APCDD1L: variants seen among roughly 807,000 people sequenced by gnomAD.
APCDD1L encodes the protein APC down-regulated 1 like.
APCDD1L carries 21 observed loss-of-function variants against 24.2 expected under a neutral mutation model. The observed-to-expected ratio is 0.87, with a 90% confidence interval of 0.61 to 1.25. APCDD1L has a LOEUF of 1.25. Among genes scored for constraint, APCDD1L ranks in the 50% most tolerant of loss-of-function variants. APCDD1L has a pLI of 0.00. For synonymous variants in APCDD1L, 321 were observed against 323.6 expected, an observed-to-expected ratio of 0.99 and a Z score of 0.09; for missense variants, 704 against 711.7, an observed-to-expected ratio of 0.99 and a Z score of 0.12.
At position 58,473,617 on chromosome 20, in the gene APCDD1L, C is replaced by T. The variant is rs117359163; in HGVS notation, c.50-2870G>A. On this transcript the variant is annotated intron_variant, in intron 1 of 3. Transcript: ENST00000371149. ...CTTTGCTTCCCCCCCCACCCCTTCT[C>T]TTCCTCCAAAAAAGTCTTAACTAAA... 5.8e-3 allele frequency among the ~76,000 whole-genome samples: 875 copies of T among 152,156 alleles called. 9 individuals carry two copies. Among genetic ancestry groups the T allele is most frequent in the East Asian group, 0.038 (196 of 5,178 alleles).
intron 1 of APCDD1L, among the ~76,000 whole-genome samples, chr20:58,482,775 G>A (rs1305571726): frequency 6.6e-6 from 1 of 152,178 alleles, no homozygotes; most frequent in Non-Finnish European, 1.5e-5. Context: ...AGAAGGGAAA[G>A]CCTGACAGTA....
At chr20:58,465,978 T>G (rs867532032) in intron 3 of APCDD1L, among the ~76,000 whole-genome samples, 9 of 152,022 alleles carry the variant, frequency 5.9e-5, no homozygotes, top group East Asian at 3.9e-4. Context: ...CTGAGGGGGG[T>G]TCCTTAGGCT....
chr20:58,476,589 A>G (rs1183355270), intron 1 of APCDD1L, among the ~76,000 whole-genome samples: 1 of 152,174 alleles, frequency 6.6e-6, no homozygotes, highest in Non-Finnish European at 1.5e-5. Context: ...TCCTGGAGAG[A>G]CTGACATTAA....
At chr20:58,490,070 T>C (rs1432079899) in intron 1 of APCDD1L, among the ~76,000 whole-genome samples, 1 of 152,220 alleles carries the variant, frequency 6.6e-6, no homozygotes, top group African/African-American at 2.4e-5. Context: ...CTTTGCCTCT[T>C]CATATGACAA....
Position 58,461,321 on chromosome 20 carries a change from C to A in APCDD1L, c.975G>T (p.Gln325His). 6.2e-7 allele frequency: 1 copy of A among 1,603,870 alleles called. No homozygotes were observed. The highest frequency in any genetic ancestry group is 8.5e-7 in the Non-Finnish European group (1 of 1,172,798). Reference sequence around the variant, plus strand: ...CGGCGGCATACACGGTGAAGGTGGGCTGCCGGCAGGCTGGGTCTGAGAAGT... The same window carrying A: ...CGGCGGCATACACGGTGAAGGTGGGATGCCGGCAGGCTGGGTCTGAGAAGT... ...YHHFSDPACRQPTFTVYAAGR... is the reference protein window; with the variant it reads ...YHHFSDPACRHPTFTVYAAGR... The change falls in exon 4 of 4, where the codon CAG (glutamine) becomes CAT (histidine). Residue 325 changes from glutamine (Q) to histidine (H), a missense_variant. By Grantham distance (24) the Gln-to-His change is conservative. Transcript: ENST00000371149. The surrounding 1 kb of genome is among the most constrained non-coding windows in gnomAD (Gnocchi z 6.0).
intron 2 of APCDD1L, among the ~76,000 whole-genome samples, chr20:58,469,411 T>C (rs1188807720): frequency 6.6e-6 from 1 of 152,158 alleles, no homozygotes; most frequent in Non-Finnish European, 1.5e-5. Context: ...TCTTGATGGT[T>C]CCCAGGCTCT....
At chr20:58,486,797 T>C (rs913984293) in intron 1 of APCDD1L, among the ~76,000 whole-genome samples, 3 of 151,306 alleles carry the variant, frequency 2.0e-5, no homozygotes, top group African/African-American at 4.9e-5. Flanking sequence ...CTACACTCTA[T>C]TAAATGACCT....
intron 1 of APCDD1L, among the ~76,000 whole-genome samples, chr20:58,474,881 G>A (rs987276514): frequency 2.6e-5 from 4 of 151,996 alleles, no homozygotes; most frequent in East Asian, 3.9e-4. Flanking sequence ...AGTCACTCCC[G>A]CTCCCCTCTC....
At chr20:58,478,780 G>A (rs79519686) in intron 1 of APCDD1L, among the ~76,000 whole-genome samples, 1 of 152,152 alleles carries the variant, frequency 6.6e-6, no homozygotes, top group Admixed American at 6.5e-5. Context: ...AGAAAGACAA[G>A]GTTTACAGCT....
chr20:58,514,051 C>G (rs1035259871), intron 1 of APCDD1L: 1 of 971,064 alleles, frequency 1.0e-6, no homozygotes, highest in East Asian at 6.2e-5. Context: ...TCCCCACCCC[C>G]ACGAAGAGCC....
rs2123123701 is a variant in APCDD1L, at chr20:58,459,125, AAAAGGTTC to A, written c.*1657_*1664del. The A allele has an allele frequency of 6.6e-6, 1 of 152,338 alleles. No homozygotes were observed. The highest frequency in any genetic ancestry group is 2.1e-4 in the South Asian group (1 of 4,824). The allele number at this position is 152,338 out of a possible 1,614,324, so 9.4% of individuals were successfully genotyped here. ...ATTTTTCAGGCTGTTTAATTTTATT[AAAAGGTTC>A]AAATTTGATGATAAATGGTGGCATG... On this transcript the variant is annotated 3_prime_UTR_variant, in exon 4 of 4. Coordinates refer to ENST00000371149, the MANE Select transcript of APCDD1L (RefSeq NM_153360.3).
chr20:58,502,770 G>A (rs960466211), intron 1 of APCDD1L, among the ~76,000 whole-genome samples: 12 of 151,446 alleles, frequency 7.9e-5, no homozygotes, highest in African/African-American at 2.7e-4. Flanking sequence ...AATTATCTAT[G>A]TAAACAGGGA....
intron 1 of APCDD1L, among the ~76,000 whole-genome samples, chr20:58,503,310 G>A (rs565278511): frequency 6.6e-6 from 1 of 152,342 alleles, no homozygotes; most frequent in African/African-American, 2.4e-5. Context: ...TCACTGGCAA[G>A]TTGGTCTTAA....
intron 1 of APCDD1L, among the ~76,000 whole-genome samples, chr20:58,493,079 T>TA (rs1407559336): frequency 6.4e-5 from 7 of 109,526 alleles, no homozygotes; most frequent in Non-Finnish European, 1.3e-4. Context: ...CAAGCATGCA[T>TA]ACATGCATAC....
At position 58,514,643 on chromosome 20, in the gene APCDD1L, G is replaced by A; in HGVS notation, c.49+16C>T. The A allele has an allele frequency of 7.6e-7, 1 of 1,314,026 alleles. No homozygotes were observed. Among genetic ancestry groups the A allele is most frequent in the South Asian group, 3.2e-5 (1 of 31,706 alleles). 81.4% of individuals were successfully genotyped at this position (1,314,026 alleles called of 1,614,324 possible). ...GAGCTCAGCCAGTTTGCCGGGTGGG[G>A]GAGGGTGGCACCTACCTCCCAAAAG... is the stretch of plus-strand genomic sequence containing the variant. On this transcript the variant is annotated intron_variant, in intron 1 of 3. Transcript: ENST00000371149.
At chr20:58,479,534 G>T (rs1600855892) in intron 1 of APCDD1L, among the ~76,000 whole-genome samples, 2 of 151,606 alleles carry the variant, frequency 1.3e-5, no homozygotes, top group Non-Finnish European at 2.9e-5. Flanking sequence ...CCCAGCTTTA[G>T]CCCAAACAGT....
chr20:58,479,885 AAG>A (rs1387195243), intron 1 of APCDD1L, among the ~76,000 whole-genome samples: 1 of 152,176 alleles, frequency 6.6e-6, no homozygotes, highest in African/African-American at 2.4e-5. Context: ...GCTGCAGCCA[AAG>A]ATGTACTTTC....
chr20:58,506,915 T>A (rs553067315), intron 1 of APCDD1L, among the ~76,000 whole-genome samples: 1 of 152,208 alleles, frequency 6.6e-6, no homozygotes, highest in South Asian at 2.1e-4. Context: ...CACTGGAGGG[T>A]GGCAGTTGAG....
rs927162456 is a variant in APCDD1L at position 58,497,504 on chromosome 20, C to T, written c.49+17155G>A. 6.6e-6 allele frequency among the ~76,000 whole-genome samples: 1 copy of T among 152,156 alleles called. No homozygotes were observed. Among genetic ancestry groups the T allele is most frequent in the Non-Finnish European group, 1.5e-5 (1 of 68,034 alleles). ...CGAGCTGGGTTGGTTCCTTCTGAGG[C>T]TGGGCCGGGATTGTTCCAGGCCTTT... On this transcript the variant is annotated intron_variant, in intron 1 of 3. Coordinates refer to ENST00000371149, the MANE Select transcript of APCDD1L (RefSeq NM_153360.3). This position sits in a 1 kb window ranked among gnomAD's most constrained non-coding sequence, Gnocchi z 4.3.
Sources: allele counts gnomAD v4.1 joint callset (sites outside exome capture counted in the v4.1 genomes callset), GRCh38; gene constraint gnomAD v4.1.1; non-coding constraint Gnocchi (gnomAD v3.1); transcripts MANE v1.5; gene names NCBI Gene and HGNC (gene_info 2026-07-23, HGNC 2026-07-21).